Variants in IL18R1 observed in about 807,000 individuals in gnomAD.
IL18R1 encodes the protein interleukin-18 receptor 1.
Under a neutral mutation model 48.5 loss-of-function variants are expected in IL18R1, and 40 were observed. That is an observed-to-expected ratio of 0.82 (90% CI 0.64 to 1.07). The LOEUF (loss-of-function observed/expected upper bound fraction) is 1.07, where lower values mean the gene tolerates loss of function less well. Among genes scored for constraint, IL18R1 ranks in the 50% least tolerant of loss-of-function variants. The pLI, the probability that IL18R1 is intolerant of heterozygous loss-of-function variation, is 0.00. For synonymous variants in IL18R1, 232 were observed against 225.9 expected (o/e 1.03, Z -0.24); for missense variants, 596 against 633.7 (o/e 0.94, Z 0.64).
chr2:102,390,270 G>C (rs960000932), intron 9 of IL18R1, 53 bp downstream of exon 9: 14 of 1,468,560 alleles, frequency 9.5e-6, no homozygotes, highest in Non-Finnish European at 1.1e-5. Flanking sequence ...TAAGAAATCA[G>C]ATAAATAGGC....
chr2:102,391,205 A>G (rs1001168530), intron 9 of IL18R1, among the ~76,000 whole-genome samples: 1 of 151,450 alleles, frequency 6.6e-6, no homozygotes, highest in Non-Finnish European at 1.5e-5. Context: ...TCAAAACCCA[A>G]AATGTCTATG....
chr2:102,395,926 A>C (rs1020676186), intron 10 of IL18R1, among the ~76,000 whole-genome samples: 1 of 152,174 alleles, frequency 6.6e-6, no homozygotes, highest in Non-Finnish European at 1.5e-5. Context: ...AACAGAACTG[A>C]GTAGTTGTGA....
At chr2:102,373,082 G>A (rs573233818) in intron 4 of IL18R1, among the ~76,000 whole-genome samples, 101 of 152,184 alleles carry the variant, frequency 6.6e-4, no homozygotes, top group Admixed American at 1.4e-3. Flanking sequence ...AATTTGATAT[G>A]AAAAATTTCT....
At chr2:102,371,840 C>G (rs11465606) in intron 3 of IL18R1, 113 bp from the exon 4 acceptor site, 1 of 641,416 alleles carries the variant, frequency 1.6e-6, no homozygotes, top group East Asian at 2.9e-5. Flanking sequence ...ATGAATCAAT[C>G]TCTTTAATAA....
At chr2:102,386,737 G>T in intron 7 of IL18R1, 124 bp from the exon 8 acceptor site, 1 of 964,480 alleles carries the variant, frequency 1.0e-6, no homozygotes, top group Non-Finnish European at 1.6e-6. Context: ...TAAGAGTACT[G>T]GCCAGAAAGG....
chr2:102,394,640 G>C lies in IL18R1; in HGVS notation c.1270+13G>C. 1 of 1,575,200 alleles carries C rather than the reference G, an allele frequency of 6.3e-7. No homozygotes were observed. The highest frequency in any genetic ancestry group is 8.7e-7 in the Non-Finnish European group (1 of 1,155,282). On this transcript the variant is annotated intron_variant, in intron 10 of 10. Coordinates refer to ENST00000233957, the MANE Select transcript of IL18R1 (RefSeq NM_003855.5). The stretch of plus-strand genomic sequence containing the variant: ...GTGCCTGGAGGAGGTAAGAGGGAAT[G>C]CCAGATAGAAAAATATTCAAGATAG...
chr2:102,384,789 TA>T, intron 6 of IL18R1, 88 bp from the exon 7 acceptor site: 1 of 1,460,544 alleles, frequency 6.8e-7, no homozygotes, highest in Non-Finnish European at 9.3e-7. Context: ...CGTTTTGCTT[TA>T]GGTTAACATA....
At chr2:102,393,591 G>A (rs946313778) in intron 9 of IL18R1, among the ~76,000 whole-genome samples, 3 of 152,154 alleles carry the variant, frequency 2.0e-5, no homozygotes, top group African/African-American at 7.2e-5. Context: ...TATCCTATTA[G>A]ATTTTAATAG....
chr2:102,364,083 C>G (rs1420099), intron 2 of IL18R1, among the ~76,000 whole-genome samples: 66,692 of 151,960 alleles, frequency 0.44, 16,420 homozygotes, highest in African/African-American at 0.66. Context: ...GTGGTGTGGA[C>G]TTTCAATTAT....
At position 102,362,486 on chromosome 2, in the gene IL18R1, G is replaced by A. The variant is rs11465568; in HGVS notation, c.-28-147G>A. On this transcript the variant is annotated intron_variant, in intron 1 of 10. Coordinates refer to ENST00000233957, the MANE Select transcript of IL18R1 (RefSeq NM_003855.5). ...TTAATTTTATATGGCTGAAAGTTCT[G>A]AGAATTGGTTACTATATTAAGGATT... 5.4e-3 allele frequency: 2,232 copies of A among 414,574 alleles called. 39 individuals carry two copies. Among genetic ancestry groups the A allele is most frequent in the African/African-American group, 0.041 (2,001 of 48,730 alleles). The allele number at this position is 414,574 out of a possible 1,614,324, so 25.7% of individuals were successfully genotyped here.
intron 9 of IL18R1, 122 bp downstream of exon 9, chr2:102,390,339 A>G: frequency 1.1e-6 from 1 of 876,758 alleles, no homozygotes; most frequent in Non-Finnish European, 1.8e-6. Flanking sequence ...GAGGTTTTCT[A>G]TGGGAAATAT....
intron 7 of IL18R1, among the ~76,000 whole-genome samples, chr2:102,386,035 G>A (rs1191384998): frequency 6.6e-6 from 1 of 152,160 alleles, no homozygotes; most frequent in Non-Finnish European, 1.5e-5. Flanking sequence ...ATTGGTTTTA[G>A]ATGGTTGTTA....
At chr2:102,391,741 G>T (rs1384963605) in intron 9 of IL18R1, among the ~76,000 whole-genome samples, 1 of 152,140 alleles carries the variant, frequency 6.6e-6, no homozygotes, top group Non-Finnish European at 1.5e-5. Flanking sequence ...ATTTGGAGTT[G>T]TGCCAATCTG....
chr2:102,376,187 TC>T (rs1193047129), intron 5 of IL18R1, 124 bp downstream of exon 5: 1 of 622,748 alleles, frequency 1.6e-6, no homozygotes, highest in African/African-American at 1.9e-5. Flanking sequence ...CACCACTAGT[TC>T]AAATATGATG....
At position 102,394,648 on chromosome 2, in the gene IL18R1, G is replaced by T. The variant is rs374475807; in HGVS notation, c.1270+21G>T. On this transcript the variant is annotated intron_variant, in intron 10 of 10. Transcript: ENST00000233957. Reference sequence around the variant, plus strand: ...AGGAGGTAAGAGGGAATGCCAGATAGAAAAATATTCAAGATAGTTTCTTTT... The same window carrying T: ...AGGAGGTAAGAGGGAATGCCAGATATAAAAATATTCAAGATAGTTTCTTTT... 25 of 1,567,140 alleles carry T rather than the reference G, an allele frequency of 1.6e-5. No homozygotes were observed. The African/African-American group carries it at 3.3e-4, about 20-fold the overall frequency.
rs745758703 is a variant in IL18R1, at chr2:102,390,093, AG to A, written c.989del (p.Gly330GlufsTer2). 1 of 1,614,076 alleles carries A rather than the reference AG, an allele frequency of 6.2e-7. No individual in the cohort carries two copies. Among genetic ancestry groups the A allele is most frequent in the East Asian group, 2.2e-5 (1 of 44,870 alleles). On this transcript the variant is annotated frameshift_variant, in exon 9 of 11. Coordinates refer to ENST00000233957, the MANE Select transcript of IL18R1 (RefSeq NM_003855.5). LOFTEE classifies it high-confidence loss of function. ...ATATCCCAGGCCACGTCTTCACAAGAGGAATGATCATAGCTGTTTTGATCTT... is the reference window on the plus strand; with the variant it reads ...ATATCCCAGGCCACGTCTTCACAAGAGAATGATCATAGCTGTTTTGATCTT... ...ADIPGHVFTR[G>X]MIIAVLILVA...
In IL18R1 at chr2:102,356,626, C is replaced by T. The variant is rs867497719; in HGVS notation, c.-29+226C>T. Among the ~76,000 whole-genome samples the T allele has an allele frequency of 1.4e-4, 21 of 152,238 alleles. No individual in the cohort carries two copies. In the South Asian group the frequency reaches 4.3e-3, roughly 32 times the overall value. Reference sequence around the variant, plus strand: ...CAATTATTTTCTGGAGAGGTGAGAACGACTGAAATAAATGATAACAATAGT... The same window carrying T: ...CAATTATTTTCTGGAGAGGTGAGAATGACTGAAATAAATGATAACAATAGT... On this transcript the variant is annotated intron_variant, in intron 1 of 10. Coordinates refer to ENST00000233957, the MANE Select transcript of IL18R1 (RefSeq NM_003855.5).
intron 3 of IL18R1, 42 bp from the exon 4 acceptor site, chr2:102,371,911 T>G (rs1481062655): frequency 8.4e-7 from 1 of 1,191,516 alleles, no homozygotes; most frequent in African/African-American, 1.6e-5. Flanking sequence ...TTTGCAAAGT[T>G]TCTGTAGCAT....
intron 1 of IL18R1, among the ~76,000 whole-genome samples, chr2:102,362,000 G>A (rs1678604373): frequency 6.6e-6 from 1 of 152,108 alleles, no homozygotes; most frequent in Non-Finnish European, 1.5e-5. Flanking sequence ...ACAGACACAC[G>A]CGAACACATG....
Sources: gnomAD v4.1 joint callset for allele counts (sites outside exome capture counted in the v4.1 genomes callset) on GRCh38, gnomAD v4.1.1 for gene constraint, MANE v1.5 for transcripts, NCBI Gene and HGNC (gene_info 2026-07-23, HGNC 2026-07-21) for gene names.